ANXA3: variants seen among roughly 807,000 people sequenced by gnomAD.
ANXA3 encodes the protein 35-alpha calcimedin.
In ANXA3, 46 loss-of-function variants were observed where a neutral mutation model predicts 48.8. That is an observed-to-expected ratio of 0.94 (90% confidence interval 0.74 to 1.21). The LOEUF is 1.21. ANXA3 is among the 50% of genes most tolerant of loss of function. ANXA3 has a pLI of 0.00. For synonymous variants in ANXA3, 128 were observed against 134.7 expected, an observed-to-expected ratio of 0.95 and a Z score of 0.35; for missense variants, 383 against 378.6, an observed-to-expected ratio of 1.01 and a Z score of -0.10.
intron 1 of ANXA3, 24 bp from the exon 2 acceptor site, chr4:78,554,412 T>A: frequency 6.9e-7 from 1 of 1,453,250 alleles, no homozygotes; most frequent in East Asian, 2.3e-5. Context: ...TTGATACCAT[T>A]TACTAATTGT....
Position 78,582,272 on chromosome 4 carries a change from G to A in ANXA3, c.294G>A (p.Gln98=). 6.2e-7 allele frequency: 1 copy of A among 1,612,588 alleles called. No individual in the cohort carries two copies. Among genetic ancestry groups the A allele is most frequent in the Non-Finnish European group, 8.5e-7 (1 of 1,178,736 alleles). Residue 98 remains glutamine (Q), a synonymous_variant, in exon 5 of 13, where the codon CAG becomes CAA. Transcript: ENST00000264908. The part of the protein sequence containing the change: ...VTPPAVFDAK[Q]LKKSMKGAGT... ...CACCAGCAGTCTTTGATGCAAAGCA[G>A]CTAAAGAAATCCATGAAGGTATGAG...
intron 8 of ANXA3, 103 bp downstream of exon 8, chr4:78,595,540 C>A: frequency 1.0e-6 from 1 of 991,514 alleles, no homozygotes; most frequent in Non-Finnish European, 1.4e-6. Context: ...AGGGACTTTT[C>A]TTTTTTTTTT....
At chr4:78,571,759 T>C (rs1387667699) in intron 2 of ANXA3, among the ~76,000 whole-genome samples, 2 of 152,238 alleles carry the variant, frequency 1.3e-5, no homozygotes, top group African/African-American at 4.8e-5. Flanking sequence ...GCTGTCCTTC[T>C]TTAGTCTCAT....
At chr4:78,575,224 T>A (rs988435872) in intron 3 of ANXA3, among the ~76,000 whole-genome samples, 1 of 152,274 alleles carries the variant, frequency 6.6e-6, no homozygotes, top group Non-Finnish European at 1.5e-5. Context: ...TTCTTTATGA[T>A]TGGCAAGAGT....
At chr4:78,604,551 G>A in intron 12 of ANXA3, 152 bp downstream of exon 12, 2 of 596,224 alleles carry the variant, frequency 3.4e-6, no homozygotes, top group Non-Finnish European at 5.2e-6. Flanking sequence ...AATAGTAGCA[G>A]CAAAATATCC....
chr4:78,593,494 G>A (rs951689440), intron 7 of ANXA3, among the ~76,000 whole-genome samples: 45 of 149,152 alleles, frequency 3.0e-4, no homozygotes, highest in Admixed American at 2.7e-3. Flanking sequence ...GAGCCACTGC[G>A]CCCCGCCTTT....
Position 78,595,854 on chromosome 4 carries a change from C to A in ANXA3, c.601C>A (p.Leu201Met), listed in dbSNP as rs757643844. 1 of 1,611,890 alleles carries A rather than the reference C, an allele frequency of 6.2e-7. No homozygotes were observed. Among genetic ancestry groups the A allele is most frequent in the Non-Finnish European group, 8.5e-7 (1 of 1,178,108 alleles). The change falls in exon 9 of 13, where the codon CTG becomes ATG. Residue 201 changes from leucine to methionine, a missense_variant. By Grantham distance (15) the Leu-to-Met change is conservative. Transcript: ENST00000264908. ...GGATGAAGACAAATTCACTGAGATC[C>A]TGTGTTTAAGGAGCTTTCCTCAATT... ...GTDEDKFTEI[L>M]CLRSFPQLKL...
intron 7 of ANXA3, among the ~76,000 whole-genome samples, chr4:78,592,879 A>G (rs1385088686): frequency 6.6e-6 from 1 of 152,178 alleles, no homozygotes; most frequent in Non-Finnish European, 1.5e-5. Flanking sequence ...GAAAGAGAAC[A>G]AGAAGAAAGC....
At position 78,607,797 on chromosome 4, in the gene ANXA3, G is replaced by A. The variant is rs1430045053; in HGVS notation, c.913-2259G>A. On this transcript the variant is annotated intron_variant, in intron 12 of 12. Coordinates refer to ENST00000264908, the MANE Select transcript of ANXA3 (RefSeq NM_005139.3). ...GTTTGGGGTTAGAGAAATGGGTCTT[G>A]AGCCTGCCTTTCAGGTCAACAAGCA... Among the ~76,000 whole-genome samples the A allele has an allele frequency of 2.6e-5, 4 of 152,268 alleles. No homozygotes were observed. In the South Asian group the frequency reaches 8.3e-4, roughly 32 times the overall value.
chr4:78,608,213 T>G (rs1439503019), intron 12 of ANXA3, among the ~76,000 whole-genome samples: 4 of 152,156 alleles, frequency 2.6e-5, no homozygotes, highest in Non-Finnish European at 5.9e-5. Flanking sequence ...TGCTAAAAGA[T>G]CCTACAATAG....
intron 2 of ANXA3, among the ~76,000 whole-genome samples, chr4:78,566,788 A>G (rs1425404324): frequency 6.6e-6 from 1 of 152,232 alleles, no homozygotes; most frequent in Non-Finnish European, 1.5e-5. Flanking sequence ...CATGTAAGAA[A>G]TCTGCACTTG....
chr4:78,595,163 C>T (rs9307407), intron 7 of ANXA3, among the ~76,000 whole-genome samples: 2,782 of 150,600 alleles, frequency 0.018, 93 homozygotes, highest in African/African-American at 0.064. Context: ...TATGAATTTT[C>T]GGAGGAGGGA....
intron 12 of ANXA3, among the ~76,000 whole-genome samples, chr4:78,605,288 T>G (rs1280229426): frequency 6.6e-6 from 1 of 152,138 alleles, no homozygotes; most frequent in Non-Finnish European, 1.5e-5. Flanking sequence ...AGGTAAACTT[T>G]TGGGTTTTCA....
intron 11 of ANXA3, chr4:78,602,396 T>G (rs966506790): frequency 6.6e-6 from 1 of 152,188 alleles, no homozygotes; most frequent in Non-Finnish European, 1.5e-5. Flanking sequence ...CATATAGAGA[T>G]AGGTACAGAG....
chr4:78,597,096 A>T, intron 9 of ANXA3: 1 of 430,940 alleles, frequency 2.3e-6, no homozygotes, highest in Non-Finnish European at 4.1e-6. Flanking sequence ...AGAAAGAGAG[A>T]TCATTGAAGA....
chr4:78,578,953 A>G (rs1238681074), intron 3 of ANXA3, 74 bp from the exon 4 acceptor site: 3 of 816,216 alleles, frequency 3.7e-6, no homozygotes, highest in Non-Finnish European at 6.1e-6. Flanking sequence ...GTCTCAGGCC[A>G]TTGATCATTT....
At chr4:78,573,053 A>G (rs1722871053) in intron 2 of ANXA3, 127 bp from the exon 3 acceptor site, 3 of 785,586 alleles carry the variant, frequency 3.8e-6, no homozygotes, top group Non-Finnish European at 6.8e-6. Context: ...GCCACTCCTG[A>G]AGTGGTAGGA....
chr4:78,597,255 C>A, intron 9 of ANXA3, 64 bp from the exon 10 acceptor site: 1 of 1,080,474 alleles, frequency 9.3e-7, no homozygotes, highest in Non-Finnish European at 1.4e-6. Context: ...AAATAAAAAA[C>A]TAGAATATAT....
intron 11 of ANXA3, 49 bp from the exon 12 acceptor site, chr4:78,604,228 C>T: frequency 6.5e-7 from 1 of 1,540,390 alleles, no homozygotes; most frequent in Non-Finnish European, 8.8e-7. Context: ...CTCTATGTTG[C>T]TTTGTGACCA....
Sources: allele counts gnomAD v4.1 joint callset (sites outside exome capture counted in the v4.1 genomes callset), GRCh38; gene constraint gnomAD v4.1.1; transcripts MANE v1.5; gene names NCBI Gene and HGNC (gene_info 2026-07-23, HGNC 2026-07-21).